Variants in CYP7B1 observed in about 807,000 individuals in gnomAD.
CYP7B1 encodes the protein cytochrome P450 7B1.
CYP7B1 carries 29 observed loss-of-function variants against 42.7 expected under a neutral mutation model. The ratio of observed to expected loss-of-function variants is 0.68; its 90% CI spans 0.51 to 0.93. The LOEUF (loss-of-function observed/expected upper bound fraction) is 0.93, where lower values mean the gene tolerates loss of function less well. Ranked by LOEUF, CYP7B1 falls within the 40% of genes least tolerant of loss-of-function variation. The pLI is 0.00. For missense variants in CYP7B1, 655 were observed against 600.5 expected, an observed-to-expected ratio of 1.09 and a Z score of -0.95; for synonymous variants, 235 against 218.2, an observed-to-expected ratio of 1.08 and a Z score of -0.68.
chr8:64,600,006 A>T (rs1236624567), intron 5 of CYP7B1, among the ~76,000 whole-genome samples: 1 of 152,212 alleles, frequency 6.6e-6, no homozygotes, highest in Non-Finnish European at 1.5e-5. Context: ...TGCTATTCCC[A>T]TAGTAGAGGT....
chr8:64,618,570 T>TCTCTCTC (rs1805481117), intron 2 of CYP7B1, among the ~76,000 whole-genome samples: 2 of 146,354 alleles, frequency 1.4e-5, no homozygotes, highest in Admixed American at 6.7e-5. Context: ...CACATTCATT[T>TCTCTCTC]TCTCTCTCTC....
At chr8:64,624,335 CA>C in intron 2 of CYP7B1, 67 bp downstream of exon 2, 1 of 1,452,996 alleles carries the variant, frequency 6.9e-7, no homozygotes. Context: ...TAGAGAAAAA[CA>C]GAAAGACATT....
At chr8:64,604,595 A>G in intron 5 of CYP7B1, 87 bp downstream of exon 5, 1 of 1,524,136 alleles carries the variant, frequency 6.6e-7, no homozygotes. Context: ...TTCTGGACCA[A>G]AGTGGCAAGA....
intron 1 of CYP7B1, among the ~76,000 whole-genome samples, chr8:64,660,472 CT>C (rs2129631408): frequency 1.3e-5 from 2 of 152,334 alleles, no homozygotes; most frequent in Admixed American, 1.3e-4. Flanking sequence ...AGGCTGCAGT[CT>C]CACTTGAAGG....
intron 1 of CYP7B1, among the ~76,000 whole-genome samples, chr8:64,792,716 T>C (rs1402458088): frequency 6.6e-6 from 1 of 152,132 alleles, no homozygotes; most frequent in Admixed American, 6.5e-5. Context: ...ACCCCCAAGA[T>C]GGATCATACA....
intron 1 of CYP7B1, among the ~76,000 whole-genome samples, chr8:64,780,525 A>G (rs1804405024): frequency 6.6e-6 from 1 of 152,026 alleles, no homozygotes; most frequent in Non-Finnish European, 1.5e-5. Context: ...TTCCTATATA[A>G]AAAAAAGATC....
At chr8:64,586,999 C>G (rs141830835), downstream of CYP7B1, among the ~76,000 whole-genome samples, 22 of 152,318 alleles carry the variant, frequency 1.4e-4, no homozygotes, top group African/African-American at 5.1e-4. Flanking sequence ...ACAACTCTTA[C>G]GGTGAGAGTC....
chr8:64,772,911 G>C (rs1035904470), intron 1 of CYP7B1, among the ~76,000 whole-genome samples: 2 of 152,094 alleles, frequency 1.3e-5, no homozygotes, highest in African/African-American at 4.8e-5. Context: ...TGACTGGAAT[G>C]CTTTCTCCAC....
chr8:64,782,704 A>G (rs1804450094), intron 1 of CYP7B1, among the ~76,000 whole-genome samples: 1 of 152,220 alleles, frequency 6.6e-6, no homozygotes, highest in Non-Finnish European at 1.5e-5. Flanking sequence ...AAAAGGAATA[A>G]CCAGGATTTA....
downstream of CYP7B1, among the ~76,000 whole-genome samples, chr8:64,589,623 C>A (rs1805009336): frequency 6.6e-6 from 1 of 152,250 alleles, no homozygotes; most frequent in East Asian, 1.9e-4. Context: ...AGTTTGGTAT[C>A]TATCAGGCAA....
chr8:64,677,850 C>T (rs1377606192), intron 1 of CYP7B1, among the ~76,000 whole-genome samples: 2 of 150,456 alleles, frequency 1.3e-5, no homozygotes, highest in East Asian at 2.0e-4. Context: ...TGTTTGATAA[C>T]ATTAGGTGTT....
Position 64,705,322 on chromosome 8 carries a change from C to T in CYP7B1, c.123-80783G>A, listed in dbSNP as rs114598500. ...GATTAGAATTTAAGTTGTTTATTGT[C>T]TCATAATATGTCAGAAAATTGCTAT... On this transcript the variant is annotated intron_variant, in intron 1 of 5. Coordinates refer to ENST00000310193, the MANE Select transcript of CYP7B1 (RefSeq NM_004820.5). Among the ~76,000 whole-genome samples, 773 of 151,906 alleles carry T rather than the reference C, an allele frequency of 5.1e-3. 8 individuals carry two copies. Among genetic ancestry groups the T allele is most frequent in the African/African-American group, 0.017 (723 of 41,426 alleles).
chr8:64,646,771 G>A (rs1805960012), intron 1 of CYP7B1, among the ~76,000 whole-genome samples: 1 of 152,170 alleles, frequency 6.6e-6, no homozygotes, highest in Admixed American at 6.6e-5. Flanking sequence ...CTCACGAACT[G>A]CCCTTGACTA....
intron 1 of CYP7B1, among the ~76,000 whole-genome samples, chr8:64,729,942 C>G (rs929051300): frequency 5.3e-5 from 8 of 152,162 alleles, no homozygotes; most frequent in Non-Finnish European, 8.8e-5. Flanking sequence ...GGCTGTGAAT[C>G]TAGTCTTTTG....
At chr8:64,797,319 C>T (rs142189077) in intron 1 of CYP7B1, among the ~76,000 whole-genome samples, 2 of 152,226 alleles carry the variant, frequency 1.3e-5, no homozygotes, top group South Asian at 2.1e-4. Flanking sequence ...AAAGGCATAC[C>T]TAGGGGTGCA....
At chr8:64,608,910 C>A (rs1291119264) in intron 4 of CYP7B1, among the ~76,000 whole-genome samples, 1 of 152,174 alleles carries the variant, frequency 6.6e-6, no homozygotes, top group African/African-American at 2.4e-5. Flanking sequence ...ATCTCAGACA[C>A]AGTCTTTGGT....
At chr8:64,726,037 G>A (rs1173163290) in intron 1 of CYP7B1, among the ~76,000 whole-genome samples, 1 of 152,176 alleles carries the variant, frequency 6.6e-6, no homozygotes, top group Non-Finnish European at 1.5e-5. Context: ...GTGAGGATCT[G>A]ACTGACATTT....
chr8:64,651,959 T>C (rs894136962), intron 1 of CYP7B1, among the ~76,000 whole-genome samples: 2 of 152,320 alleles, frequency 1.3e-5, no homozygotes, highest in Admixed American at 1.3e-4. Context: ...GAGTATTCAG[T>C]AGTGTGTATA....
intron 4 of CYP7B1, among the ~76,000 whole-genome samples, chr8:64,614,652 T>C (rs540085314): frequency 6.6e-6 from 1 of 152,302 alleles, no homozygotes; most frequent in East Asian, 1.9e-4. Context: ...ACAGGGTGCC[T>C]TTTTTGCAAT....
Sources: allele counts gnomAD v4.1 joint callset (sites outside exome capture counted in the v4.1 genomes callset), GRCh38; gene constraint gnomAD v4.1.1; transcripts MANE v1.5; gene names NCBI Gene and HGNC (gene_info 2026-07-23, HGNC 2026-07-21).